The following PDE4C variants were observed in gnomAD, a reference collection of about 807,000 sequenced individuals.
PDE4C encodes the protein phosphodiesterase 4C.
PDE4C carries 50 observed loss-of-function variants against 63.9 expected under a neutral mutation model. That is an observed-to-expected ratio of 0.78 (90% CI 0.62 to 0.99). PDE4C has a LOEUF of 0.99. Ranked by LOEUF, PDE4C falls within the 50% of genes least tolerant of loss-of-function variation. The probability of loss-of-function intolerance (pLI) is 0.00; values close to 1 mark genes in which losing one functional copy is unlikely to be tolerated. For synonymous variants in PDE4C, 377 were observed against 385.1 expected, an observed-to-expected ratio of 0.98 and a Z score of 0.25; for missense variants, 777 against 899.1, an observed-to-expected ratio of 0.86 and a Z score of 1.74.
rs1308021563 is a variant in PDE4C, at chr19:18,233,368, C to A, written c.-177G>T. 3 of 829,822 alleles carry A rather than the reference C, an allele frequency of 3.6e-6. No homozygotes were observed. In the African/African-American group the frequency reaches 5.1e-5, roughly 14 times the overall value. The allele number at this position is 829,822 out of a possible 1,614,324, so 51.4% of individuals were successfully genotyped here. On this transcript the variant is annotated 5_prime_UTR_variant, in exon 1 of 15. Coordinates refer to the PDE4C transcript ENST00000594465. Reference sequence around the variant, plus strand: ...GTGGAACTGGGGCTCAAGGTGGGGCCGACACCGAGGAGCTGTCGATGCCCA... The same window carrying A: ...GTGGAACTGGGGCTCAAGGTGGGGCAGACACCGAGGAGCTGTCGATGCCCA...
chr19:18,233,707 C>A (rs372011334), upstream of PDE4C: 10 of 348,682 alleles, frequency 2.9e-5, no homozygotes, highest in South Asian at 1.7e-4. Context: ...GAAGAGCTGT[C>A]CGCGACCTGA....
chr19:18,220,856 A>G lies in PDE4C; in HGVS notation c.499+18T>C. 6.2e-7 allele frequency: 1 copy of G among 1,605,306 alleles called. No individual in the cohort carries two copies. Among genetic ancestry groups the G allele is most frequent in the Non-Finnish European group, 8.5e-7 (1 of 1,176,624 alleles). On this transcript the variant is annotated intron_variant, in intron 5 of 14. Coordinates refer to ENST00000262805, the Ensembl canonical transcript of PDE4C. The surrounding 1 kb of genome is among the most constrained non-coding windows in gnomAD (Gnocchi z 5.1). ...CCCAGCTGTCCTCAGCGGGGGAGGG[A>G]AGGAACAGGTACTTTACCTGCAGGA...
chr19:18,254,350 G>A, the PDE4C span, among the ~76,000 whole-genome samples: 1 of 152,214 alleles, frequency 6.6e-6, no homozygotes, highest in Non-Finnish European at 1.5e-5. Context: ...AGGAAGAGTT[G>A]GAGGACACAA....
chr19:18,248,392 C>T (rs563185769), upstream of PDE4C, among the ~76,000 whole-genome samples: 8 of 114,206 alleles, frequency 7.0e-5, no homozygotes, highest in East Asian at 1.7e-3. Context: ...CCTGAGGGGA[C>T]GAGAGAGTGG....
intron 1 of PDE4C, among the ~76,000 whole-genome samples, chr19:18,244,555 C>A (rs748130300): frequency 2.0e-5 from 3 of 152,098 alleles, no homozygotes; most frequent in African/African-American, 7.2e-5. Context: ...TCTTGTCACC[C>A]AGGCTGGAGT....
chr19:18,226,236 C>G (rs772345872), intron 1 of PDE4C, 34 bp downstream of exon 1: 11 of 1,525,000 alleles, frequency 7.2e-6, no homozygotes, highest in South Asian at 3.6e-5. Flanking sequence ...CCGGGCGTCC[C>G]GGTGACCCCG....
rs559961551 is a variant in PDE4C, at chr19:18,216,261, CT to C, written c.1389+479del. The stretch of plus-strand genomic sequence containing the variant: ...CTGGGGTTTGGGCAGTCACTAGCCC[CT>C]TTTTTTTTTTTTTTGAGATGGAGTC... On this transcript the variant is annotated intron_variant, in intron 12 of 14. Transcript: ENST00000262805. Among the ~76,000 whole-genome samples the C allele has an allele frequency of 5.1e-3, 693 of 135,840 alleles. 4 individuals carry two copies. Among genetic ancestry groups the C allele is most frequent in the Middle Eastern group, 8.5e-3 (2 of 234 alleles). The allele number at this position is 135,840 out of a possible 152,430, so 89.1% of individuals were successfully genotyped here.
exon 15 of PDE4C, chr19:18,211,086 G>A (rs929451280): frequency 1.9e-6 from 3 of 1,614,170 alleles, no homozygotes; most frequent in Non-Finnish European, 2.5e-6. Context: ...CTCCTCCAGA[G>A]TCAGTTCAAA....
At chr19:18,233,375 G>A in exon 1 of PDE4C, 1 of 790,668 alleles carries the variant, frequency 1.3e-6, no homozygotes. Context: ...GGCCGACACC[G>A]AGGAGCTGTC....
At chr19:18,251,277 C>CA (rs1969226123), upstream of PDE4C, among the ~76,000 whole-genome samples, 1 of 151,550 alleles carries the variant, frequency 6.6e-6, no homozygotes, top group Admixed American at 6.6e-5. Context: ...AGGCGCCCGC[C>CA]ACCATGCCTG....
At chr19:18,242,007 A>T (rs1969050153) in intron 1 of PDE4C, among the ~76,000 whole-genome samples, 1 of 152,182 alleles carries the variant, frequency 6.6e-6, no homozygotes. Context: ...GGAATGAGGG[A>T]GTGGATCACA....
chr19:18,221,077 C>CCCCCG (rs1968457201), intron 4 of PDE4C, 28 bp downstream of exon 4: 7 of 1,422,650 alleles, frequency 4.9e-6, no homozygotes, highest in African/African-American at 1.4e-5. Flanking sequence ...GCCGGCCCCG[C>CCCCCG]CCCCGCCCCG....
chr19:18,252,873 C>G (rs552245754), upstream of PDE4C, among the ~76,000 whole-genome samples: 2 of 152,204 alleles, frequency 1.3e-5, no homozygotes, highest in Admixed American at 6.5e-5. Flanking sequence ...TCCCAAAGTG[C>G]TGGGATTACA....
At chr19:18,232,915 C>T (rs1600096856) in intron 1 of PDE4C, 4 of 1,424,600 alleles carry the variant, frequency 2.8e-6, no homozygotes, top group African/African-American at 3.0e-5. Context: ...CGCCCCTCCC[C>T]CGCGCTGCAG....
At chr19:18,232,899 C>T (rs573931780) in intron 1 of PDE4C, 1 of 1,417,526 alleles carries the variant, frequency 7.1e-7, no homozygotes, top group Non-Finnish European at 9.2e-7. Flanking sequence ...CCCGCCAGGC[C>T]CCGCGCGCCC....
rs1021729828 is a variant in PDE4C at position 18,218,094 on chromosome 19, A to C, written c.1234+55T>G. ...AACCCCCTGAGATCACCTGGTGGAC[A>C]GGGTGGAGGCAGGGTCCACCTCTTC... On this transcript the variant is annotated intron_variant, in intron 11 of 14. Transcript: ENST00000262805. The C allele has an allele frequency of 1.0e-5, 13 of 1,297,906 alleles. No homozygotes were observed. The East Asian group carries it at 2.8e-4, about 28-fold the overall frequency. 80.4% of individuals were successfully genotyped at this position (1,297,906 alleles called of 1,614,324 possible).
chr19:18,245,529 C>A (rs1448935636), intron 1 of PDE4C, among the ~76,000 whole-genome samples: 1 of 152,150 alleles, frequency 6.6e-6, no homozygotes, highest in East Asian at 1.9e-4. Flanking sequence ...CCGGGGACAC[C>A]CTTCCCCCGG....
upstream of PDE4C, among the ~76,000 whole-genome samples, chr19:18,231,128 G>A (rs1968839011): frequency 1.3e-5 from 2 of 152,234 alleles, no homozygotes. Context: ...ACAGCAGGTT[G>A]GCCTTGGGGC....
chr19:18,247,015 C>A (rs1043853682), intron 1 of PDE4C, among the ~76,000 whole-genome samples: 15 of 152,310 alleles, frequency 9.8e-5, no homozygotes, highest in Admixed American at 2.0e-4. Context: ...TGAATCCAGC[C>A]CCCGCAGGGT....
Sources: allele counts gnomAD v4.1 joint callset (sites outside exome capture counted in the v4.1 genomes callset), GRCh38; gene constraint gnomAD v4.1.1; non-coding constraint Gnocchi (gnomAD v3.1); transcripts MANE v1.5; gene names NCBI Gene and HGNC (gene_info 2026-07-23, HGNC 2026-07-21).